USB1: variants seen among roughly 807,000 people sequenced by gnomAD.
USB1 encodes U6 snRNA biogenesis phosphodiesterase 1.
USB1 carries 21 observed loss-of-function variants against 29.9 expected under a neutral mutation model. The observed-to-expected ratio is 0.70, with a 90% CI of 0.50 to 1.01. The LOEUF is 1.01. USB1 is among the 50% of genes least tolerant of loss of function. The probability of loss-of-function intolerance (pLI) is 0.00; values close to 1 mark genes in which losing one functional copy is unlikely to be tolerated. For synonymous variants in USB1, 143 were observed against 134.9 expected, an observed-to-expected ratio of 1.06 and a Z score of -0.42; for missense variants, 330 against 347.1, an observed-to-expected ratio of 0.95 and a Z score of 0.39.
Position 58,002,639 on chromosome 16 carries a change from G to A in USB1, c.259G>A (p.Val87Ile), listed in dbSNP as rs571564926. Residue 87 changes from valine (V) to isoleucine (I), a missense_variant, in exon 2 of 7, where the codon GTA becomes ATA. Transcript: ENST00000219281. ...AGGCAACTGGGCCACCCACGTCTAT[G>A]TACCATGTGAGTGATGTGTGAAAGG... Reference protein sequence around the residue: ...ERGNWATHVYVPYEAKEEFLD... With the variant: ...ERGNWATHVYIPYEAKEEFLD... 54 of 1,613,702 alleles carry A rather than the reference G, an allele frequency of 3.3e-5. No individual in the cohort carries two copies. The highest frequency in any genetic ancestry group is 4.4e-5 in the Non-Finnish European group (52 of 1,180,002).
At chr16:58,019,125 G>T in intron 6 of USB1, 70 bp downstream of exon 6, 3 of 1,504,892 alleles carry the variant, frequency 2.0e-6, no homozygotes, top group Non-Finnish European at 1.8e-6. Flanking sequence ...CTGGAGAGGG[G>T]GAGGATGAGG....
chr16:58,009,507 CAGG>C (rs1239032949), intron 2 of USB1, among the ~76,000 whole-genome samples: 2 of 151,954 alleles, frequency 1.3e-5, no homozygotes, highest in Admixed American at 1.3e-4. Context: ...ATCACGAGGT[CAGG>C]AGATCGAGAC....
chr16:58,020,683 C>G lies in USB1; in HGVS notation c.*438C>G, dbSNP rs536035144. On this transcript the variant is annotated 3_prime_UTR_variant, in exon 7 of 7. Transcript: ENST00000219281. ...CTCTTCCCTTCCTGTCTCTCTTCCCCTCCTCTCTCTCTTCCTGTCCTCTAT... is the reference window on the plus strand; with the variant it reads ...CTCTTCCCTTCCTGTCTCTCTTCCCGTCCTCTCTCTCTTCCTGTCCTCTAT... 6.8e-4 allele frequency: 186 copies of G among 272,018 alleles called. No homozygotes were observed. The highest frequency in any genetic ancestry group is 1.7e-3 in the Admixed American group (34 of 19,488). 16.9% of individuals were successfully genotyped at this position (272,018 alleles called of 1,614,324 possible).
chr16:58,005,323 C>T (rs369321837), intron 2 of USB1, among the ~76,000 whole-genome samples: 2 of 152,210 alleles, frequency 1.3e-5, no homozygotes, highest in Non-Finnish European at 2.9e-5. Context: ...CTCCCTTTCC[C>T]GGTCTGCTAA....
chr16:58,008,967 G>C (rs1382249294), intron 2 of USB1, among the ~76,000 whole-genome samples: 1 of 152,190 alleles, frequency 6.6e-6, no homozygotes, highest in Non-Finnish European at 1.5e-5. Context: ...CTACATTTCT[G>C]TTACAGACTT....
At chr16:58,007,680 C>T (rs1328906181) in intron 2 of USB1, among the ~76,000 whole-genome samples, 1 of 152,054 alleles carries the variant, frequency 6.6e-6, no homozygotes, top group Non-Finnish European at 1.5e-5. Context: ...CAGAGCCCAG[C>T]CGGAAGGTAA....
chr16:58,007,721 C>T (rs1219534926), intron 2 of USB1, among the ~76,000 whole-genome samples: 1 of 151,730 alleles, frequency 6.6e-6, no homozygotes, highest in Non-Finnish European at 1.5e-5. Flanking sequence ...GGTGCAGTGG[C>T]TTACGCCTAT....
rs1426707334 is a variant in USB1, at chr16:58,013,447, G to A, written c.450-826G>A. 1 of 985,430 alleles carries A rather than the reference G, an allele frequency of 1.0e-6. No individual in the cohort carries two copies. The highest frequency in any genetic ancestry group is 1.1e-4 in the East Asian group (1 of 8,830). The allele number at this position is 985,430 out of a possible 1,614,324, so 61.0% of individuals were successfully genotyped here. A position where few individuals can be genotyped will look rare whatever the true frequency, so the allele number is the denominator to read the frequency against. ...ATATTATGTTCCCTCAGATGGGGGT[G>A]AGACCCTTGGCCTGGGGGCTGTAAA... On this transcript the variant is annotated intron_variant, in intron 3 of 6. Transcript: ENST00000219281. The surrounding 1 kb of genome is among the most constrained non-coding windows in gnomAD (Gnocchi z 4.3).
intron 2 of USB1, among the ~76,000 whole-genome samples, chr16:58,003,379 A>G (rs141360464): frequency 6.6e-6 from 1 of 152,312 alleles, no homozygotes; most frequent in East Asian, 1.9e-4. Flanking sequence ...GTGTGCCAAG[A>G]TCGCTCCACT....
Position 58,011,705 on chromosome 16 carries a change from C to A in USB1, c.449+1593C>A, listed in dbSNP as rs541736716. 1.1e-4 allele frequency: 110 copies of A among 987,612 alleles called. No homozygotes were observed. In the African/African-American group the frequency reaches 1.9e-3, roughly 17 times the overall value. The allele number at this position is 987,612 out of a possible 1,614,324, so 61.2% of individuals were successfully genotyped here. A position where few individuals can be genotyped will look rare whatever the true frequency, so the allele number is the denominator to read the frequency against. On this transcript the variant is annotated intron_variant, in intron 3 of 6. Coordinates refer to ENST00000219281, the MANE Select transcript of USB1 (RefSeq NM_024598.4). ...TCAGTTGGTCCTGTGGTTCTTTACC[C>A]CTGGTGGTCATTTCACTCACCCTCA...
chr16:58,019,455 G>A (rs1963689752), intron 6 of USB1, among the ~76,000 whole-genome samples: 1 of 152,192 alleles, frequency 6.6e-6, no homozygotes, highest in East Asian at 1.9e-4. Flanking sequence ...CACTGAAAAT[G>A]GGTGAAATGT....
chr16:58,007,832 A>C (rs927932145), intron 2 of USB1, among the ~76,000 whole-genome samples: 1 of 152,102 alleles, frequency 6.6e-6, no homozygotes, highest in African/African-American at 2.4e-5. Context: ...AATACAAAAA[A>C]ATTAGCCATG....
chr16:58,002,773 T>C, intron 2 of USB1, 128 bp downstream of exon 2: 1 of 1,331,736 alleles, frequency 7.5e-7, no homozygotes, highest in East Asian at 2.5e-5. Flanking sequence ...GGAAAGTCAT[T>C]GACTTAGCAG....
intron 2 of USB1, among the ~76,000 whole-genome samples, chr16:58,003,511 A>C (rs1963282267): frequency 6.6e-6 from 1 of 152,184 alleles, no homozygotes; most frequent in African/African-American, 2.4e-5. Context: ...GTTTTTGCCC[A>C]AAGGAGTTGC....
chr16:58,012,946 G>C, intron 3 of USB1: 1 of 985,942 alleles, frequency 1.0e-6, no homozygotes, highest in South Asian at 4.7e-5. Context: ...TGTATATGTG[G>C]CTGGTTCCCT....
chr16:58,013,961 A>G lies in USB1; in HGVS notation c.450-312A>G. On this transcript the variant is annotated intron_variant, in intron 3 of 6. Transcript: ENST00000219281. The surrounding 1 kb of genome is among the most constrained non-coding windows in gnomAD (Gnocchi z 4.3). Reference sequence around the variant, plus strand: ...TGGTCCATTATCACCTACTTGATCAATAAGGCTTTCTCAGTTCCCATCAGT... The same window carrying G: ...TGGTCCATTATCACCTACTTGATCAGTAAGGCTTTCTCAGTTCCCATCAGT... The G allele has an allele frequency of 2.9e-6, 1 of 340,834 alleles. No individual in the cohort carries two copies. Among genetic ancestry groups the G allele is most frequent in the Non-Finnish European group, 5.5e-6 (1 of 181,520 alleles). 21.1% of individuals were successfully genotyped at this position (340,834 alleles called of 1,614,324 possible).
intron 3 of USB1, chr16:58,012,346 C>G (rs1963514739): frequency 6.5e-7 from 1 of 1,533,556 alleles, no homozygotes; most frequent in Non-Finnish European, 8.7e-7. Flanking sequence ...GCCAGAAGCC[C>G]AACCCAAAGT....
At chr16:58,001,630 G>T (rs1963196909) in intron 1 of USB1, 49 bp downstream of exon 1, 4 of 1,558,022 alleles carry the variant, frequency 2.6e-6, no homozygotes, top group African/African-American at 1.4e-5. Flanking sequence ...TCACCCTAGA[G>T]CCAGACGGGA....
upstream of USB1, among the ~76,000 whole-genome samples, chr16:58,000,080 G>A (rs991854277): frequency 6.6e-6 from 1 of 152,106 alleles, no homozygotes; most frequent in African/African-American, 2.4e-5. This position sits in a 1 kb window ranked among gnomAD's most constrained non-coding sequence, Gnocchi z 4.5. Flanking sequence ...CTGAGAAACC[G>A]AATGAAAGCC....
Sources: gnomAD v4.1 joint callset for allele counts (sites outside exome capture counted in the v4.1 genomes callset) on GRCh38, gnomAD v4.1.1 for gene constraint, Gnocchi (gnomAD v3.1) non-coding constraint, MANE v1.5 for transcripts, NCBI Gene and HGNC (gene_info 2026-07-23, HGNC 2026-07-21) for gene names.